Variants in F5 observed in about 807,000 individuals in gnomAD.
F5 encodes the protein activated protein c cofactor.
Under a neutral mutation model 216.4 loss-of-function variants are expected in F5, and 138 were observed. The ratio of observed to expected loss-of-function variants is 0.64; its 90% CI spans 0.56 to 0.73. F5 has a LOEUF of 0.73. Among genes scored for constraint, F5 ranks in the 30% least tolerant of loss-of-function variants. F5 has a pLI of 0.00. For missense variants in F5, 2,403 were observed against 2,674.0 expected, an observed-to-expected ratio of 0.90 and a Z score of 2.24; for synonymous variants, 916 against 930.7, an observed-to-expected ratio of 0.98 and a Z score of 0.29.
At chr1:169,527,636 G>A (rs947911454) in intron 17 of F5, among the ~76,000 whole-genome samples, 1 of 152,140 alleles carries the variant, frequency 6.6e-6, no homozygotes, top group Non-Finnish European at 1.5e-5. Context: ...GACCTCATCT[G>A]TATGACACAC....
At chr1:169,526,958 T>C (rs1659468130) in intron 17 of F5, among the ~76,000 whole-genome samples, 1 of 152,022 alleles carries the variant, frequency 6.6e-6, no homozygotes, top group Admixed American at 6.6e-5. Context: ...GAAAAACCAA[T>C]AAGAACCCTC....
intron 2 of F5, among the ~76,000 whole-genome samples, chr1:169,578,820 G>T (rs935521208): frequency 7.9e-5 from 12 of 152,094 alleles, no homozygotes; most frequent in Non-Finnish European, 1.2e-4. Context: ...CCCCCATGAA[G>T]GTGGTAGCCA....
At chr1:169,553,283 T>C (rs945446350) in intron 7 of F5, among the ~76,000 whole-genome samples, 1 of 152,206 alleles carries the variant, frequency 6.6e-6, no homozygotes, top group Admixed American at 6.5e-5. Context: ...GGATAAATAC[T>C]TTGGGAGCAG....
At position 169,541,018 on chromosome 1, in the gene F5, A is replaced by G; in HGVS notation, c.4072T>C (p.Ser1358Pro). The change falls in exon 13 of 25, where the codon TCT (serine) becomes CCT (proline). Residue 1358 changes from serine (S) to proline (P), a missense_variant. By Grantham distance (74) the Ser-to-Pro change is moderately conservative. This residue lies in a region of F5 where 293 missense variants were observed against 270.8 expected (regional missense o/e 1.08). Coordinates refer to ENST00000367797, the MANE Select transcript of F5 (RefSeq NM_000130.5). ...LSPALGQMPLSPDPSHTTLSL... is the reference protein window; with the variant it reads ...LSPALGQMPLPPDPSHTTLSL... ...AGGGTTGTATGGCTGGGGTCTGGAGAAAGGGGCATCTGACCGAGGGCTGGG... is the reference window on the plus strand; with the variant it reads ...AGGGTTGTATGGCTGGGGTCTGGAGGAAGGGGCATCTGACCGAGGGCTGGG... 2.5e-6 allele frequency: 4 copies of G among 1,590,438 alleles called. No homozygotes were observed. Among genetic ancestry groups the G allele is most frequent in the Non-Finnish European group, 3.4e-6 (4 of 1,163,232 alleles).
intron 14 of F5, among the ~76,000 whole-genome samples, chr1:169,533,179 G>A (rs1374208626): frequency 6.6e-6 from 1 of 152,074 alleles, no homozygotes; most frequent in East Asian, 1.9e-4. Context: ...TGCTGGAATA[G>A]CCGGCTACCC....
intron 3 of F5, among the ~76,000 whole-genome samples, chr1:169,565,057 C>G (rs1265861586): frequency 6.6e-6 from 1 of 152,004 alleles, no homozygotes; most frequent in African/African-American, 2.4e-5. Context: ...TGTCAGTTCC[C>G]CAGACATCCA....
intron 10 of F5, among the ~76,000 whole-genome samples, chr1:169,547,929 T>C (rs985973767): frequency 6.6e-6 from 1 of 151,988 alleles, no homozygotes; most frequent in Non-Finnish European, 1.5e-5. Context: ...AGCAAAGACA[T>C]GAAATCAACC....
Position 169,542,175 on chromosome 1 carries a change from A to C in F5, c.2915T>G (p.Leu972Arg). 6.2e-7 allele frequency: 1 copy of C among 1,614,124 alleles called. No individual in the cohort carries two copies. Among genetic ancestry groups the C allele is most frequent in the Non-Finnish European group, 8.5e-7 (1 of 1,179,994 alleles). Residue 972 changes from leucine (L) to arginine (R), a missense_variant, in exon 13 of 25, where the codon CTG (leucine) becomes CGG (arginine). Leu to Arg is a moderately radical substitution (Grantham distance 102). Coordinates refer to ENST00000367797, the MANE Select transcript of F5 (RefSeq NM_000130.5). ...ACGTGAGGCATTCTGGGGGCTGATC[A>C]GCCAATTGTTAACAGCTGTGTCTTC... ...TDEDTAVNNWLISPQNASRAW... is the reference protein window; with the variant it reads ...TDEDTAVNNWRISPQNASRAW...
chr1:169,543,262 A>G, intron 12 of F5, 148 bp from the exon 13 acceptor site: 3 of 691,114 alleles, frequency 4.3e-6, no homozygotes, highest in Non-Finnish European at 7.6e-6. Context: ...TCTGTGACCT[A>G]TTGATTACTG....
At position 169,577,336 on chromosome 1, in the gene F5, GA is replaced by G. The variant is rs9332505; in HGVS notation, c.251-4994del. On this transcript the variant is annotated intron_variant, in intron 2 of 24. Transcript: ENST00000367797. ...GACAAACATTTTATAATTTGTCCCTGAAAAATATGCAGACTCAAAACTAGCC... is the reference window on the plus strand; with the variant it reads ...GACAAACATTTTATAATTTGTCCCTGAAAATATGCAGACTCAAAACTAGCC... 2.1e-3 allele frequency among the ~76,000 whole-genome samples: 324 copies of G among 151,834 alleles called. 2 individuals carry two copies. The highest frequency in any genetic ancestry group is 7.2e-3 in the African/African-American group (300 of 41,418).
chr1:169,542,303 A>C lies in F5; in HGVS notation c.2787T>G (p.Ser929Arg). The change falls in exon 13 of 25, where the codon AGT (serine) becomes AGG (arginine). Residue 929 changes from serine to arginine, a missense_variant. This residue lies in a region of F5 where 1,425 missense variants were observed against 1,554.8 expected (regional missense o/e 0.92). Transcript: ENST00000367797. ...SRMRPWKDPP[S>R]DLLLLKQSNS... is the part of the protein sequence containing the mutation. The stretch of plus-strand genomic sequence containing the variant: ...TACTTTGTTTTAAGAGTAACAGATC[A>C]CTAGGAGGGTCCTTCCAGGGCCTCA... 3 of 1,614,142 alleles carry C rather than the reference A, an allele frequency of 1.9e-6. No homozygotes were observed. The highest frequency in any genetic ancestry group is 2.5e-6 in the Non-Finnish European group (3 of 1,179,990).
chr1:169,538,317 TA>T (rs1278048700), intron 13 of F5, among the ~76,000 whole-genome samples: 1 of 152,078 alleles, frequency 6.6e-6, no homozygotes, highest in Non-Finnish European at 1.5e-5. Context: ...GAACAGTGGT[TA>T]ACAAAGGGAT....
intron 23 of F5, among the ~76,000 whole-genome samples, chr1:169,516,576 T>A (rs897715948): frequency 2.0e-5 from 3 of 152,240 alleles, no homozygotes; most frequent in African/African-American, 7.2e-5. Context: ...AGAAAACTTT[T>A]AAGTCTATAA....
intron 2 of F5, among the ~76,000 whole-genome samples, chr1:169,578,226 G>A (rs750431642): frequency 3.3e-5 from 5 of 152,176 alleles, no homozygotes; most frequent in African/African-American, 7.2e-5. Context: ...AATGGACGTC[G>A]AAACACCTTT....
rs1414166045 is a variant in F5, at chr1:169,541,807, C to T, written c.3283G>A (p.Ala1095Thr). The T allele has an allele frequency of 1.2e-6, 2 of 1,614,080 alleles. No homozygotes were observed. Among genetic ancestry groups the T allele is most frequent in the South Asian group, 2.2e-5 (2 of 91,080 alleles). ...TTCTGATTATGGTCAGGAAGTGAGGCTATCCAGCCAAAATCCATAGAGGGC... is the reference window on the plus strand; with the variant it reads ...TTCTGATTATGGTCAGGAAGTGAGGTTATCCAGCCAAAATCCATAGAGGGC... ...TLPSMDFGWI[A>T]SLPDHNQNSS... The change falls in exon 13 of 25, where the codon GCC becomes ACC. Residue 1095 changes from alanine (A) to threonine (T), a missense_variant. By Grantham distance (58) the Ala-to-Thr change is moderately conservative. Around this residue, in one of 4 missense-constraint regions of F5, gnomAD observed 1,425 missense variants for 1,554.8 expected, o/e 0.92. Coordinates refer to ENST00000367797, the MANE Select transcript of F5 (RefSeq NM_000130.5).
rs573523644 is a variant in F5 at position 169,523,215 on chromosome 1, G to A, written c.6030C>T (p.Asn2010=). 6.2e-7 allele frequency: 1 copy of A among 1,614,070 alleles called. No individual in the cohort carries two copies. The highest frequency in any genetic ancestry group is 1.3e-5 in the African/African-American group (1 of 75,042). ...CACAAACCATCACATTCCTTGTGCT[G>A]TTCCCTTTGAAGATCTGCCAGTTGA... ...NQINWQIFKG[N]STRNVMYFNG... is the part of the protein sequence containing the mutation. The change falls in exon 21 of 25, where the codon AAC becomes AAT. Residue 2010 remains asparagine (N), a synonymous_variant. Coordinates refer to ENST00000367797, the MANE Select transcript of F5 (RefSeq NM_000130.5).
At chr1:169,559,898 AGC>A (rs10560418) in intron 4 of F5, among the ~76,000 whole-genome samples, 48,804 of 151,718 alleles carry the variant, frequency 0.32, 10,399 homozygotes, top group East Asian at 0.65. Flanking sequence ...GTATGGCCTG[AGC>A]GTGTATGTAT....
intron 3 of F5, among the ~76,000 whole-genome samples, chr1:169,565,236 G>A (rs1660571396): frequency 6.6e-6 from 1 of 151,728 alleles, no homozygotes; most frequent in Non-Finnish European, 1.5e-5. Flanking sequence ...TTCTTTTACA[G>A]CACCCATCAC....
intron 12 of F5, among the ~76,000 whole-genome samples, chr1:169,543,921 T>C (rs1018162985): frequency 6.6e-6 from 1 of 152,222 alleles, no homozygotes; most frequent in African/African-American, 2.4e-5. Context: ...TGAAGCAGCC[T>C]TTAAGGCACT....
Sources: gnomAD v4.1 joint callset for allele counts (sites outside exome capture counted in the v4.1 genomes callset) on GRCh38, gnomAD v4.1.1 for gene constraint, gnomAD v4.1.1 regional missense constraint, MANE v1.5 for transcripts, NCBI Gene and HGNC (gene_info 2026-07-23, HGNC 2026-07-21) for gene names.